FBXO48: variants seen among roughly 807,000 people sequenced by gnomAD.
FBXO48 encodes the protein F-box only protein 48.
In FBXO48, 12 loss-of-function variants were observed where a neutral mutation model predicts 14.3. The observed-to-expected ratio is 0.84, with a 90% confidence interval of 0.54 to 1.36. The LOEUF (loss-of-function observed/expected upper bound fraction) is 1.36, where lower values mean the gene tolerates loss of function less well. Ranked by LOEUF, FBXO48 falls within the 40% of genes most tolerant of loss-of-function variation. FBXO48 has a pLI of 0.00. For synonymous variants in FBXO48, 53 were observed against 61.7 expected, an observed-to-expected ratio of 0.86 and a Z score of 0.66; for missense variants, 177 against 179.1, an observed-to-expected ratio of 0.99 and a Z score of 0.07.
At chr2:68,466,826 C>G (rs1363752725) in intron 1 of FBXO48, among the ~76,000 whole-genome samples, 1 of 152,136 alleles carries the variant, frequency 6.6e-6, no homozygotes, top group Non-Finnish European at 1.5e-5. Context: ...TGGAAACGAC[C>G]CCTCTTCTGC....
intron 3 of FBXO48, 43 bp from the exon 4 acceptor site, chr2:68,464,413 G>C: frequency 5.7e-6 from 9 of 1,583,852 alleles, no homozygotes; most frequent in Non-Finnish European, 7.8e-6. Context: ...GTAGTAGGTG[G>C]TTGGTTAGTG....
rs549412988 is a variant in FBXO48, at chr2:68,465,550, A to C, written c.-33-372T>G. ...AAAAAAAAAAAAGAAAAAAAAAAAAACAGAAAACCAAAAACTGTTTTACGG... is the reference window on the plus strand; with the variant it reads ...AAAAAAAAAAAAGAAAAAAAAAAAACCAGAAAACCAAAAACTGTTTTACGG... On this transcript the variant is annotated intron_variant, in intron 2 of 3. Transcript: ENST00000377957. Among the ~76,000 whole-genome samples, 37 of 151,440 alleles carry C rather than the reference A, an allele frequency of 2.4e-4. No homozygotes were observed. The East Asian group carries it at 3.7e-3, about 15-fold the overall frequency.
In FBXO48 at chr2:68,462,860, G is replaced by C. The variant is rs113018168; in HGVS notation, c.*1349C>G. 3,924 of 152,422 alleles carry C rather than the reference G, an allele frequency of 0.026. 66 individuals are homozygous for C. Among genetic ancestry groups the C allele is most frequent in the South Asian group, 0.044 (213 of 4,828 alleles). The allele number at this position is 152,422 out of a possible 1,614,324, so 9.4% of individuals were successfully genotyped here. ...GTGGGGCTAGAAGGCAAACGTTACA[G>C]AGAGGTGGTCTTCAGTGCAAGCCTA... On this transcript the variant is annotated 3_prime_UTR_variant, in exon 4 of 4. Coordinates refer to ENST00000377957, the MANE Select transcript of FBXO48 (RefSeq NM_001024680.3).
At position 68,460,933 on chromosome 2, in the gene FBXO48, A is replaced by C. The variant is rs1675246118; in HGVS notation, c.*3276T>G. On this transcript the variant is annotated 3_prime_UTR_variant, in exon 4 of 4. Coordinates refer to ENST00000377957, the MANE Select transcript of FBXO48 (RefSeq NM_001024680.3). The stretch of plus-strand genomic sequence containing the variant: ...ATGTGTGTCAAATATATTAACAAGT[A>C]GAATGCATCCAGTGGATTTAGACAT... The C allele has an allele frequency of 6.6e-6, 1 of 152,240 alleles. No homozygotes were observed. The highest frequency in any genetic ancestry group is 2.4e-5 in the African/African-American group (1 of 41,458). 9.4% of individuals were successfully genotyped at this position (152,240 alleles called of 1,614,324 possible).
chr2:68,467,047 T>C (rs1675437011), intron 1 of FBXO48, among the ~76,000 whole-genome samples, 164 bp downstream of exon 1: 2 of 152,072 alleles, frequency 1.3e-5, no homozygotes, highest in Non-Finnish European at 2.9e-5. Flanking sequence ...GGGTTGCAGC[T>C]GCTGGAACCC....
Position 68,467,211 on chromosome 2 carries a change from T to G in FBXO48, c.-361A>C, listed in dbSNP as rs574556306. On this transcript the variant is annotated splice_region_variant and 5_prime_UTR_variant, in exon 1 of 4. Coordinates refer to ENST00000377957, the MANE Select transcript of FBXO48 (RefSeq NM_001024680.3). ...GGGAACGGAAGACCCTTCTACCTAC[T>G]AGGCCGCGGTAGCTTCTCCTCCCGC... 1 of 152,356 alleles carries G rather than the reference T, an allele frequency of 6.6e-6. No homozygotes were observed. The highest frequency in any genetic ancestry group is 2.4e-5 in the African/African-American group (1 of 41,466). The allele number at this position is 152,356 out of a possible 1,614,324, so 9.4% of individuals were successfully genotyped here.
At chr2:68,466,851 G>A (rs1380710610) in intron 1 of FBXO48, among the ~76,000 whole-genome samples, 2 of 152,132 alleles carry the variant, frequency 1.3e-5, no homozygotes, top group Non-Finnish European at 2.9e-5. Flanking sequence ...TCTCCTTTAT[G>A]AACTGAGCTT....
intron 3 of FBXO48, among the ~76,000 whole-genome samples, chr2:68,464,573 A>G (rs781331034): frequency 6.6e-6 from 1 of 152,184 alleles, no homozygotes; most frequent in East Asian, 1.9e-4. Context: ...TGAAGTGGAA[A>G]GAAGGAGCTA....
Position 68,461,680 on chromosome 2 carries a change from G to C in FBXO48, c.*2529C>G, listed in dbSNP as rs1186557021. On this transcript the variant is annotated 3_prime_UTR_variant, in exon 4 of 4. Transcript: ENST00000377957. The stretch of plus-strand genomic sequence containing the variant: ...TTTCTTCCAACTTATGAAAAGGGGG[G>C]ATTGGGTCATGTTTCCATCCTTGGA... 6.6e-6 allele frequency: 1 copy of C among 151,764 alleles called. No homozygotes were observed. The highest frequency in any genetic ancestry group is 1.5e-5 in the Non-Finnish European group (1 of 67,960). The allele number at this position is 151,764 out of a possible 1,614,324, so 9.4% of individuals were successfully genotyped here.
rs1558519825 is a variant in FBXO48, at chr2:68,462,364, C to CTT, written c.*1844_*1845insAA. 3.3e-5 allele frequency: 5 copies of CTT among 152,002 alleles called. No homozygotes were observed. The highest frequency in any genetic ancestry group is 1.2e-4 in the African/African-American group (5 of 41,344). The allele number at this position is 152,002 out of a possible 1,614,324, so 9.4% of individuals were successfully genotyped here. On this transcript the variant is annotated 3_prime_UTR_variant, in exon 4 of 4. Transcript: ENST00000377957. ...AATTAGTAGGATACCTTTCTTTCTT[C>CTT]CTTTTTTTTTGAGACGAAGTTTCAC...
chr2:68,463,659 C>G lies in FBXO48; in HGVS notation c.*550G>C, dbSNP rs1340534070. ...GCCCTGAGATGACATTAACTTAAAACTAAACCACAGGCTTAACACATTAAA... is the reference window on the plus strand; with the variant it reads ...GCCCTGAGATGACATTAACTTAAAAGTAAACCACAGGCTTAACACATTAAA... On this transcript the variant is annotated 3_prime_UTR_variant, in exon 4 of 4. Transcript: ENST00000377957. 2 of 152,222 alleles carry G rather than the reference C, an allele frequency of 1.3e-5. No individual in the cohort carries two copies. The highest frequency in any genetic ancestry group is 4.8e-5 in the African/African-American group (2 of 41,444). The allele number at this position is 152,222 out of a possible 1,614,324, so 9.4% of individuals were successfully genotyped here.
intron 3 of FBXO48, 65 bp from the exon 4 acceptor site, chr2:68,464,435 A>C (rs1675344587): frequency 7.1e-7 from 1 of 1,417,812 alleles, no homozygotes; most frequent in Non-Finnish European, 9.9e-7. Context: ...ATGTGTTTAA[A>C]GCAAGAGAAG....
intron 1 of FBXO48, among the ~76,000 whole-genome samples, chr2:68,466,917 G>A (rs959145248): frequency 2.0e-5 from 3 of 152,270 alleles, no homozygotes; most frequent in African/African-American, 7.2e-5. Flanking sequence ...ACTATCATTC[G>A]GAGGGATAGA....
At chr2:68,466,043 GCAACAGTGAGTGA>G (rs1286260601) in intron 2 of FBXO48, 88 bp downstream of exon 2, 1 of 152,176 alleles carries the variant, frequency 6.6e-6, no homozygotes, top group Non-Finnish European at 1.5e-5. Context: ...AAGACATCAA[GCAACAGTGAGTGA>G]CAACTGTAAA....
rs1055827529 is a variant in FBXO48 at position 68,460,715 on chromosome 2, A to G, written c.*3494T>C. 2.0e-5 allele frequency: 3 copies of G among 152,164 alleles called. No individual in the cohort carries two copies. Among genetic ancestry groups the G allele is most frequent in the African/African-American group, 7.2e-5 (3 of 41,430 alleles). 9.4% of individuals were successfully genotyped at this position (152,164 alleles called of 1,614,324 possible). A position where few individuals can be genotyped will look rare whatever the true frequency, so the allele number is the denominator to read the frequency against. ...ATGGGATCACCAAGGATGTTAGAGT[A>G]TAGAGACGAGATGACAACAGGTGGA... On this transcript the variant is annotated 3_prime_UTR_variant, in exon 4 of 4. Coordinates refer to ENST00000377957, the MANE Select transcript of FBXO48 (RefSeq NM_001024680.3).
rs372909002 is a variant in FBXO48 at position 68,459,952 on chromosome 2, G to A, written c.*4257C>T. ...TTTTGCCAAGAAAAGAATCAATGGT[G>A]GGGATTACTCCAGGTATATCAAACA... is the stretch of plus-strand genomic sequence containing the variant. On this transcript the variant is annotated 3_prime_UTR_variant, in exon 4 of 4. Coordinates refer to ENST00000377957, the MANE Select transcript of FBXO48 (RefSeq NM_001024680.3). The A allele has an allele frequency of 1.3e-5, 2 of 152,286 alleles. No homozygotes were observed. The highest frequency in any genetic ancestry group is 4.8e-5 in the African/African-American group (2 of 41,550). The allele number at this position is 152,286 out of a possible 1,614,324, so 9.4% of individuals were successfully genotyped here.
chr2:68,465,205 A>C, intron 2 of FBXO48, 27 bp from the exon 3 acceptor site: 1 of 1,190,822 alleles, frequency 8.4e-7, no homozygotes, highest in Admixed American at 2.4e-5. Flanking sequence ...AAACATGCTC[A>C]GTCTCCAAAT....
rs1168886762 is a variant in FBXO48, at chr2:68,463,185, T to C, written c.*1024A>G. On this transcript the variant is annotated 3_prime_UTR_variant, in exon 4 of 4. Transcript: ENST00000377957. ...TTATATTTAATGCTATAGAGAACAG[T>C]TTTTAAGAAGAAAACCCCACACTAA... is the stretch of plus-strand genomic sequence containing the variant. The C allele has an allele frequency of 6.6e-6, 1 of 152,124 alleles. No homozygotes were observed. Among genetic ancestry groups the C allele is most frequent in the Non-Finnish European group, 1.5e-5 (1 of 68,014 alleles). The allele number at this position is 152,124 out of a possible 1,614,324, so 9.4% of individuals were successfully genotyped here.
At position 68,461,324 on chromosome 2, in the gene FBXO48, C is replaced by T. The variant is rs1461407883; in HGVS notation, c.*2885G>A. The T allele has an allele frequency of 7.4e-6, 1 of 134,538 alleles. No homozygotes were observed. Among genetic ancestry groups the T allele is most frequent in the Non-Finnish European group, 1.5e-5 (1 of 65,686 alleles). The allele number at this position is 134,538 out of a possible 1,614,324, so 8.3% of individuals were successfully genotyped here. On this transcript the variant is annotated 3_prime_UTR_variant, in exon 4 of 4. Transcript: ENST00000377957. ...TTTTTTTTTGAGACGGAGTCTCGCT[C>T]TGTCGCCCAGGCCGGACTGCGGACT...
Sources: gnomAD v4.1 joint callset for allele counts (sites outside exome capture counted in the v4.1 genomes callset) on GRCh38, gnomAD v4.1.1 for gene constraint, MANE v1.5 for transcripts, NCBI Gene and HGNC (gene_info 2026-07-23, HGNC 2026-07-21) for gene names.